THSD4: variants seen among roughly 807,000 people sequenced by gnomAD.
THSD4 encodes thrombospondin type 1 domain containing 4.
A neutral mutation model predicts 119.0 loss-of-function variants in THSD4; 69 were observed. The ratio of observed to expected loss-of-function variants is 0.58; its 90% CI spans 0.48 to 0.71. The LOEUF (loss-of-function observed/expected upper bound fraction) is 0.71. Ranked by LOEUF, THSD4 falls within the 30% of genes least tolerant of loss-of-function variation. THSD4 has a pLI of 0.00. For missense variants in THSD4, 1,393 were observed against 1,391.1 expected, an observed-to-expected ratio of 1.00 and a Z score of -0.02; for synonymous variants, 524 against 540.4, an observed-to-expected ratio of 0.97 and a Z score of 0.42.
chr15:71,459,740 C>G (rs2047401501), intron 7 of THSD4, among the ~76,000 whole-genome samples: 1 of 152,058 alleles, frequency 6.6e-6, no homozygotes. Context: ...TAATAACTAA[C>G]CTTACTTAAG....
At chr15:71,558,911 G>A (rs1236832143) in intron 7 of THSD4, among the ~76,000 whole-genome samples, 1 of 152,134 alleles carries the variant, frequency 6.6e-6, no homozygotes. Flanking sequence ...ATTGTGGTCT[G>A]AGAATGTGGT....
chr15:71,539,644 G>C (rs1415985819), intron 7 of THSD4, among the ~76,000 whole-genome samples: 5 of 152,106 alleles, frequency 3.3e-5, no homozygotes, highest in Admixed American at 2.0e-4. Context: ...CCAAAAGTTA[G>C]GTTGAAATTA....
At chr15:71,105,201 C>A (rs2040269555) in intron 1 of THSD4, among the ~76,000 whole-genome samples, 1 of 152,142 alleles carries the variant, frequency 6.6e-6, no homozygotes, top group African/African-American at 2.4e-5. Context: ...CAGGCCAGGT[C>A]TCTAGTACTT....
At chr15:71,686,442 G>C (rs2051911963) in intron 8 of THSD4, among the ~76,000 whole-genome samples, 5 of 152,190 alleles carry the variant, frequency 3.3e-5, no homozygotes, top group Admixed American at 3.3e-4. Context: ...AAAAAGGACA[G>C]CTGTTCCCTC....
intron 3 of THSD4, among the ~76,000 whole-genome samples, chr15:71,163,213 G>A (rs1043796492): frequency 2.0e-5 from 3 of 148,186 alleles, no homozygotes; most frequent in Non-Finnish European, 4.5e-5. Flanking sequence ...CATGTTTCTT[G>A]TGTCCCTGTG....
In THSD4 at chr15:71,524,587, CTTTTTTTTTT is replaced by C. The variant is rs71438517; in HGVS notation, c.1152+112783_1152+112792del. ...TAAGAGCCCTTCTTGGTTTATGCCT[CTTTTTTTTTT>C]TTTTTTTTTTTTTTTTTTGAGACGA... On this transcript the variant is annotated intron_variant, in intron 7 of 17. Coordinates refer to ENST00000261862, the MANE Select transcript of THSD4 (RefSeq NM_024817.3). Among the ~76,000 whole-genome samples, 546 of 59,554 alleles carry C rather than the reference CTTTTTTTTTT, an allele frequency of 9.2e-3. 5 individuals are homozygous for C. Among genetic ancestry groups the C allele is most frequent in the Admixed American group, 0.02 (68 of 3,408 alleles). 39.1% of individuals were successfully genotyped at this position (59,554 alleles called of 152,430 possible). A position where few individuals can be genotyped will look rare whatever the true frequency, so the allele number is the denominator to read the frequency against.
At chr15:71,373,715 C>T (rs1373794618) in intron 6 of THSD4, among the ~76,000 whole-genome samples, 1 of 152,180 alleles carries the variant, frequency 6.6e-6, no homozygotes, top group East Asian at 1.9e-4. Flanking sequence ...TACAAGGGTC[C>T]AGGCAGATGT....
chr15:71,731,561 T>C, intron 10 of THSD4: 1 of 267,514 alleles, frequency 3.7e-6, no homozygotes, highest in Non-Finnish European at 7.5e-6. Flanking sequence ...GGTGGATCGC[T>C]TGGGCCCAGA....
chr15:71,774,085 G>A (rs917287610), intron 17 of THSD4, among the ~76,000 whole-genome samples: 7 of 152,160 alleles, frequency 4.6e-5, no homozygotes, highest in Non-Finnish European at 8.8e-5. Context: ...GGCTGAAACC[G>A]GTGGATCACT....
At chr15:71,344,888 G>T (rs1305212493) in intron 6 of THSD4, among the ~76,000 whole-genome samples, 5 of 152,088 alleles carry the variant, frequency 3.3e-5, no homozygotes, top group African/African-American at 1.2e-4. Flanking sequence ...CTCAGGTCCA[G>T]ATCGTGAGAT....
rs66803244 is a variant in THSD4, at chr15:71,332,891, CA to C, written c.1015+76177del. ...TTCTTAAAACATTGAGATTTTTTTA[CA>C]TTTTTTTTTTTTTTTTAGTTCATCA... is the stretch of plus-strand genomic sequence containing the variant. On this transcript the variant is annotated intron_variant, in intron 6 of 17. Coordinates refer to ENST00000261862, the MANE Select transcript of THSD4 (RefSeq NM_024817.3). 8.9e-4 allele frequency among the ~76,000 whole-genome samples: 34 copies of C among 38,046 alleles called. 2 individuals are homozygous for C. Among genetic ancestry groups the C allele is most frequent in the African/African-American group, 1.2e-3 (16 of 13,586 alleles). The allele number at this position is 38,046 out of a possible 152,430, so 25.0% of individuals were successfully genotyped here. A position where few individuals can be genotyped will look rare whatever the true frequency, so the allele number is the denominator to read the frequency against.
At chr15:71,168,674 T>C (rs939311320) in intron 3 of THSD4, among the ~76,000 whole-genome samples, 1 of 152,174 alleles carries the variant, frequency 6.6e-6, no homozygotes, top group African/African-American at 2.4e-5. Flanking sequence ...GCAGAGGACC[T>C]CGTGATGGGT....
intron 1 of THSD4, among the ~76,000 whole-genome samples, chr15:71,120,091 C>G (rs942372258): frequency 1.3e-5 from 2 of 152,146 alleles, no homozygotes; most frequent in African/African-American, 4.8e-5. Context: ...AATCTCAGGC[C>G]CCCTCAAATC....
At chr15:71,555,448 C>A (rs1418718095) in intron 7 of THSD4, among the ~76,000 whole-genome samples, 1 of 152,094 alleles carries the variant, frequency 6.6e-6, no homozygotes, top group Non-Finnish European at 1.5e-5. Flanking sequence ...TTCACGTTTC[C>A]TCTTCTGTGA....
chr15:71,160,491 C>CTTATA (rs1284264882), intron 3 of THSD4, among the ~76,000 whole-genome samples: 2 of 151,880 alleles, frequency 1.3e-5, no homozygotes, highest in Non-Finnish European at 2.9e-5. Context: ...ATTCAACTTC[C>CTTATA]TTATATGCTA....
At chr15:71,774,041 G>A (rs529598152) in intron 17 of THSD4, among the ~76,000 whole-genome samples, 106 of 152,224 alleles carry the variant, frequency 7.0e-4, no homozygotes, top group African/African-American at 2.3e-3. Context: ...GGCCGGGTGC[G>A]GTGGCTCATA....
chr15:71,287,282 T>C (rs1328669547), intron 6 of THSD4, among the ~76,000 whole-genome samples: 1 of 152,242 alleles, frequency 6.6e-6, no homozygotes, highest in Non-Finnish European at 1.5e-5. Flanking sequence ...AAGTTCATTG[T>C]TTTTATCATT....
intron 14 of THSD4, among the ~76,000 whole-genome samples, chr15:71,749,389 T>C (rs2053401924): frequency 6.6e-6 from 1 of 152,228 alleles, no homozygotes; most frequent in Admixed American, 6.5e-5. Context: ...GGGCATGGGA[T>C]GGCCAGTCAG....
At chr15:71,272,551 C>A (rs1356973920) in intron 6 of THSD4, among the ~76,000 whole-genome samples, 1 of 151,852 alleles carries the variant, frequency 6.6e-6, no homozygotes, top group East Asian at 1.9e-4. Flanking sequence ...CAAATTAAAA[C>A]TACAATAAGC....
Sources: allele counts gnomAD v4.1 joint callset (sites outside exome capture counted in the v4.1 genomes callset), GRCh38; gene constraint gnomAD v4.1.1; transcripts MANE v1.5; gene names NCBI Gene and HGNC (gene_info 2026-07-23, HGNC 2026-07-21).